The following SLC25A26 variants were observed in gnomAD, a reference collection of about 807,000 sequenced individuals.
The protein encoded by SLC25A26 is mitochondrial S-adenosylmethionine carrier protein.
Under a neutral mutation model 37.8 loss-of-function variants are expected in SLC25A26, and 36 were observed. The ratio of observed to expected loss-of-function variants is 0.95; its 90% CI spans 0.73 to 1.26. SLC25A26 has a LOEUF of 1.26. Among genes scored for constraint, SLC25A26 ranks in the 50% most tolerant of loss-of-function variants. SLC25A26 has a pLI of 0.00. For missense variants in SLC25A26, 390 were observed against 331.1 expected, an observed-to-expected ratio of 1.18 and a Z score of -1.38; for synonymous variants, 129 against 122.5, an observed-to-expected ratio of 1.05 and a Z score of -0.35.
intron 5 of SLC25A26, among the ~76,000 whole-genome samples, chr3:66,340,392 A>G (rs1412351040): frequency 1.3e-5 from 2 of 152,072 alleles, no homozygotes; most frequent in East Asian, 1.9e-4. Context: ...GTACCTTTCG[A>G]TGAGCAGAAG....
intron 5 of SLC25A26, among the ~76,000 whole-genome samples, chr3:66,284,209 T>C (rs34185509): frequency 0.26 from 39,958 of 151,858 alleles, 6,038 homozygotes; most frequent in East Asian, 0.63. Flanking sequence ...AATTGCTGCC[T>C]GTGGTGGTGC....
intron 1 of SLC25A26, among the ~76,000 whole-genome samples, chr3:66,209,818 TACAC>T (rs1220446390): frequency 4.0e-5 from 5 of 125,304 alleles, no homozygotes; most frequent in African/African-American, 8.8e-5. Flanking sequence ...GGTGTATCTA[TACAC>T]ACACACACAC....
At chr3:66,251,121 T>G (rs2073067227) in intron 3 of SLC25A26, among the ~76,000 whole-genome samples, 1 of 152,076 alleles carries the variant, frequency 6.6e-6, no homozygotes, top group South Asian at 2.1e-4. Context: ...TTCCATATGT[T>G]TGGAGCACAG....
intron 3 of SLC25A26, among the ~76,000 whole-genome samples, chr3:66,243,663 T>C (rs1163392471): frequency 6.6e-6 from 1 of 152,248 alleles, no homozygotes; most frequent in Admixed American, 6.5e-5. Flanking sequence ...TCCGAGAATT[T>C]CCTTTCCGAA....
intron 1 of SLC25A26, among the ~76,000 whole-genome samples, chr3:66,136,855 T>C (rs934228394): frequency 1.3e-5 from 2 of 152,226 alleles, no homozygotes; most frequent in African/African-American, 4.8e-5. Context: ...TGAGGTGCTA[T>C]GTCCCTCTCA....
chr3:66,302,604 C>A (rs1004561787), intron 5 of SLC25A26, among the ~76,000 whole-genome samples: 1 of 152,178 alleles, frequency 6.6e-6, no homozygotes, highest in Non-Finnish European at 1.5e-5. Context: ...CTCCACTAGG[C>A]CTTTGCTGAT....
intron 3 of SLC25A26, among the ~76,000 whole-genome samples, chr3:66,260,694 C>A (rs956522955): frequency 6.6e-6 from 1 of 152,190 alleles, no homozygotes; most frequent in African/African-American, 2.4e-5. Flanking sequence ...TCTGCTCTTG[C>A]CAAGGCTAAT....
At chr3:66,259,681 C>G (rs933873561) in intron 3 of SLC25A26, among the ~76,000 whole-genome samples, 1 of 152,182 alleles carries the variant, frequency 6.6e-6, no homozygotes, top group Admixed American at 6.5e-5. Context: ...ATAGCAGTCT[C>G]GTAACCCATC....
At chr3:66,154,537 T>C (rs896590626) in intron 1 of SLC25A26, among the ~76,000 whole-genome samples, 2 of 133,642 alleles carry the variant, frequency 1.5e-5, no homozygotes, top group Non-Finnish European at 3.1e-5. Context: ...GTTTTCTTTT[T>C]TTCTTTTTTT....
chr3:66,265,260 T>C (rs528041803), intron 5 of SLC25A26, among the ~76,000 whole-genome samples: 2 of 152,096 alleles, frequency 1.3e-5, no homozygotes, highest in Non-Finnish European at 2.9e-5. Flanking sequence ...TGAGCTGTGA[T>C]TGTGCCACTG....
At chr3:66,215,011 G>C (rs1424236578) in intron 1 of SLC25A26, among the ~76,000 whole-genome samples, 6 of 152,076 alleles carry the variant, frequency 3.9e-5, no homozygotes, top group African/African-American at 1.2e-4. Context: ...TGTAATCCCA[G>C]CTACTTGGGA....
chr3:66,323,580 C>T (rs530690083), intron 5 of SLC25A26, among the ~76,000 whole-genome samples: 9 of 152,174 alleles, frequency 5.9e-5, no homozygotes, highest in South Asian at 2.1e-4. Context: ...CCGAGGCAGG[C>T]GGATTGGTTG....
chr3:66,165,830 A>G (rs1017219428), intron 1 of SLC25A26, among the ~76,000 whole-genome samples: 2 of 152,142 alleles, frequency 1.3e-5, no homozygotes, highest in Admixed American at 6.6e-5. Flanking sequence ...GAGGTTAGAC[A>G]GGAGTCCAGG....
At chr3:66,187,656 A>T (rs2070855760) in intron 1 of SLC25A26, among the ~76,000 whole-genome samples, 1 of 151,766 alleles carries the variant, frequency 6.6e-6, no homozygotes, top group Non-Finnish European at 1.5e-5. Context: ...TGTACCAATG[A>T]CATTCTCATC....
chr3:66,252,577 G>A (rs1432561372), intron 3 of SLC25A26, among the ~76,000 whole-genome samples: 4 of 152,192 alleles, frequency 2.6e-5, no homozygotes, highest in Non-Finnish European at 5.9e-5. Context: ...CCCAGTCACA[G>A]TTCTTACAAG....
At chr3:66,329,916 G>T (rs947317932) in intron 5 of SLC25A26, among the ~76,000 whole-genome samples, 5 of 152,078 alleles carry the variant, frequency 3.3e-5, no homozygotes, top group Non-Finnish European at 7.4e-5. Flanking sequence ...TAAAAGCTAT[G>T]GTATTGATCT....
At chr3:66,237,424 C>A (rs2072346755) in intron 2 of SLC25A26, among the ~76,000 whole-genome samples, 1 of 152,224 alleles carries the variant, frequency 6.6e-6, no homozygotes, top group Admixed American at 6.5e-5. Flanking sequence ...TTAATAACTT[C>A]CAAGGTGACT....
At chr3:66,359,772 T>C (rs927494104) in intron 6 of SLC25A26, among the ~76,000 whole-genome samples, 1 of 152,212 alleles carries the variant, frequency 6.6e-6, no homozygotes, top group African/African-American at 2.4e-5. Context: ...TACAGATGTA[T>C]TTGCAAACAT....
intron 9 of SLC25A26, chr3:66,371,424 A>G (rs1251128495): frequency 6.9e-7 from 1 of 1,450,378 alleles, no homozygotes; most frequent in African/African-American, 1.4e-5. Context: ...GTGAGTCAGG[A>G]CCCAGTTAAG....
Sources: gnomAD v4.1 joint callset for allele counts (sites outside exome capture counted in the v4.1 genomes callset) on GRCh38, gnomAD v4.1.1 for gene constraint, MANE v1.5 for transcripts, NCBI Gene and HGNC (gene_info 2026-07-23, HGNC 2026-07-21) for gene names.